Variants in DNHD1 observed in about 807,000 individuals in gnomAD.
The protein encoded by DNHD1 is dynein heavy chain domain 1, also known as dynein heavy chain domain-containing protein 1.
Under a neutral mutation model 458.1 loss-of-function variants are expected in DNHD1, and 383 were observed. The observed-to-expected ratio is 0.84, with a 90% CI of 0.77 to 0.91. The LOEUF is 0.91. DNHD1 is among the 40% of genes least tolerant of loss of function. The pLI, the probability that DNHD1 is intolerant of heterozygous loss-of-function variation, is 0.00. For synonymous variants in DNHD1, 2,203 were observed against 2,376.9 expected, an observed-to-expected ratio of 0.93 and a Z score of 2.13; for missense variants, 5,336 against 5,866.1, an observed-to-expected ratio of 0.91 and a Z score of 2.95.
At chr11:6,531,923 T>C (rs537112133) in intron 12 of DNHD1, among the ~76,000 whole-genome samples, 35 of 152,346 alleles carry the variant, frequency 2.3e-4, no homozygotes, top group African/African-American at 8.2e-4. Context: ...TAAACATGTT[T>C]ATATTTAAAA....
At chr11:6,561,510 T>A (rs1032337818) in intron 28 of DNHD1, among the ~76,000 whole-genome samples, 7 of 152,330 alleles carry the variant, frequency 4.6e-5, no homozygotes, top group Non-Finnish European at 8.8e-5. Context: ...TTCATGGTGC[T>A]TATAGTTTAG....
At chr11:6,566,503 T>G (rs1214245045) in intron 34 of DNHD1, 84 bp from the exon 35 acceptor site, 10 of 1,559,536 alleles carry the variant, frequency 6.4e-6, no homozygotes, top group Non-Finnish European at 8.7e-6. Context: ...CACAGGTCTA[T>G]AGCAGGGAGC....
In DNHD1 at chr11:6,546,665, C is replaced by CTGCACTACTGCA. The variant is rs1554888383; in HGVS notation, c.5729_5730insACTACTGCATGC (p.Leu1912_Arg1913insHisAlaLeuLeu). The CTGCACTACTGCA allele has an allele frequency of 9.0e-5, 140 of 1,550,654 alleles. No homozygotes were observed. The East Asian group carries it at 3.4e-3, about 37-fold the overall frequency. On this transcript the variant is annotated inframe_insertion, in exon 21 of 43. Coordinates refer to ENST00000254579, the MANE Select transcript of DNHD1 (RefSeq NM_144666.3). ...CGCAGCCTAGCTGCCATTGAGGAGG[C>CTGCACTACTGCA]TGCCCTACTGCGCTCACCACTGTTT...
At chr11:6,515,264 A>G (rs761276649) in intron 7 of DNHD1, among the ~76,000 whole-genome samples, 1 of 152,224 alleles carries the variant, frequency 6.6e-6, no homozygotes, top group Non-Finnish European at 1.5e-5. Context: ...TTATAACTAT[A>G]GTACAATGAT....
At chr11:6,547,730 T>G in intron 21 of DNHD1, 64 bp downstream of exon 21, 2 of 1,484,246 alleles carry the variant, frequency 1.3e-6, no homozygotes, top group Non-Finnish European at 1.8e-6. Context: ...GGTATATAGC[T>G]GGAGCCTGGG....
chr11:6,502,844 GT>G lies in DNHD1; in HGVS notation c.839del (p.Val280GlyfsTer2), dbSNP rs769403084. ...SPETSFLDSQ[V>X]MTALKMERYL... is the part of the protein sequence containing the mutation. ...TGAGACTTCCTTCCTGGATAGCCAG[GT>G]GATGACTGCTCTGAAGATGGAGAGA... is the stretch of plus-strand genomic sequence containing the variant. On this transcript the variant is annotated frameshift_variant, in exon 4 of 43. Transcript: ENST00000254579. LOFTEE classifies it high-confidence loss of function. 2 of 1,613,270 alleles carry G rather than the reference GT, an allele frequency of 1.2e-6. No homozygotes were observed. The highest frequency in any genetic ancestry group is 1.7e-6 in the Non-Finnish European group (2 of 1,179,712).
chr11:6,500,955 G>GGA (rs147459515), intron 3 of DNHD1, among the ~76,000 whole-genome samples: 2 of 151,244 alleles, frequency 1.3e-5, no homozygotes, highest in South Asian at 2.1e-4. Flanking sequence ...TCTGCAGGTG[G>GGA]GAGAGAGAGA....
intron 24 of DNHD1, among the ~76,000 whole-genome samples, chr11:6,551,718 A>T (rs573235823): frequency 1.3e-5 from 2 of 152,070 alleles, no homozygotes; most frequent in African/African-American, 4.8e-5. Context: ...CAAGGAGGGC[A>T]GATCACGAGG....
Position 6,546,913 on chromosome 11 carries a change from G to A in DNHD1, c.5974G>A (p.Gly1992Ser). ...CCGGGCCTCAGGCATTCTGCTCCTG[G>A]GCCCTGCGGGCAGCGGCAAGACCAC... is the stretch of plus-strand genomic sequence containing the variant. ...LSRASGILLL[G>S]PAGSGKTTCW... Residue 1992 changes from glycine (G) to serine (S), a missense_variant, in exon 21 of 43, where the codon GGC becomes AGC. Around this residue, in one of 4 missense-constraint regions of DNHD1, gnomAD observed 3,932 missense variants for 4,365.6 expected, o/e 0.90. Transcript: ENST00000254579. 1 of 1,551,580 alleles carries A rather than the reference G, an allele frequency of 6.4e-7. No individual in the cohort carries two copies. The highest frequency in any genetic ancestry group is 2.0e-5 in the Admixed American group (1 of 50,992).
rs1418974213 is a variant in DNHD1 at position 6,559,228 on chromosome 11, G to C, written c.9464G>C (p.Gly3155Ala). Reference protein sequence around the residue: ...ENLRMLIKEHGTHANLIFDLE... With the variant: ...ENLRMLIKEHATHANLIFDLE... ...CTGAGAATGCTGATTAAGGAGCACG[G>C]TACCCATGCCAATCTGATCTTTGAC... The change falls in exon 28 of 43, where the codon GGT becomes GCT. Residue 3155 changes from glycine (G) to alanine (A), a missense_variant. Gly to Ala is a moderately conservative substitution (Grantham distance 60). Transcript: ENST00000254579. 6.4e-7 allele frequency: 1 copy of C among 1,551,674 alleles called. No homozygotes were observed. The highest frequency in any genetic ancestry group is 2.0e-5 in the Admixed American group (1 of 50,998).
intron 10 of DNHD1, 189 bp downstream of exon 10, chr11:6,520,478 C>A: frequency 6.9e-7 from 1 of 1,439,920 alleles, no homozygotes; most frequent in Non-Finnish European, 9.1e-7. Context: ...TTTTTGCTCA[C>A]AAATTCACGT....
In DNHD1 at chr11:6,568,803, T is replaced by C. The variant is rs1853769392; in HGVS notation, c.12800T>C (p.Leu4267Pro). 1 of 1,613,212 alleles carries C rather than the reference T, an allele frequency of 6.2e-7. No individual in the cohort carries two copies. Among genetic ancestry groups the C allele is most frequent in the African/African-American group, 1.3e-5 (1 of 74,868 alleles). The change falls in exon 39 of 43, where the codon CTC (leucine) becomes CCC (proline). Residue 4267 changes from leucine (L) to proline (P), a missense_variant. By Grantham distance (98) the Leu-to-Pro change is moderately conservative. Around this residue, in one of 4 missense-constraint regions of DNHD1, gnomAD observed 698 missense variants for 664.9 expected, o/e 1.05. Transcript: ENST00000254579. ...ACCCAGGCACTACCTCTGCTCCTCC[T>C]CCATGGCCTCCTGCTACACCGGCAG... ...PPTQALPLLL[L>P]HGLLLHRQLY...
chr11:6,521,848 C>G (rs1852611344), intron 10 of DNHD1, among the ~76,000 whole-genome samples: 1 of 152,166 alleles, frequency 6.6e-6, no homozygotes. Flanking sequence ...TCCCAAGTAG[C>G]TGGAACTGCA....
chr11:6,537,093 A>C (rs1852968342), intron 14 of DNHD1, among the ~76,000 whole-genome samples: 1 of 152,196 alleles, frequency 6.6e-6, no homozygotes, highest in South Asian at 2.1e-4. Context: ...AGTAAACTGG[A>C]GTTCAAGTTA....
intron 35 of DNHD1, 28 bp downstream of exon 35, chr11:6,566,793 A>T: frequency 1.2e-5 from 20 of 1,604,534 alleles, no homozygotes; most frequent in Non-Finnish European, 1.7e-5. Context: ...CTGTGGGTTG[A>T]GATGAGCATT....
intron 4 of DNHD1, among the ~76,000 whole-genome samples, chr11:6,506,787 G>T (rs1026083484): frequency 6.6e-6 from 1 of 151,938 alleles, no homozygotes; most frequent in Admixed American, 6.6e-5. Context: ...TGTTAATTAC[G>T]TTTATCATCT....
intron 11 of DNHD1, 36 bp downstream of exon 11, chr11:6,528,823 A>T: frequency 1.3e-6 from 2 of 1,550,098 alleles, no homozygotes; most frequent in Non-Finnish European, 1.7e-6. Context: ...GGCGCTGCCC[A>T]CCAATTCCCA....
chr11:6,550,790 AATTG>A (rs1341296921), intron 24 of DNHD1, among the ~76,000 whole-genome samples: 1 of 152,264 alleles, frequency 6.6e-6, no homozygotes, highest in Admixed American at 6.5e-5. Context: ...GACATCTCAT[AATTG>A]AAAGATTCAA....
chr11:6,528,848 C>G (rs2134406618), intron 11 of DNHD1, 30 bp from the exon 12 acceptor site: 2 of 1,550,890 alleles, frequency 1.3e-6, no homozygotes, highest in Middle Eastern at 1.7e-4. Flanking sequence ...AGCCGCATGC[C>G]TCTGCCCTAA....
Sources: gnomAD v4.1 joint callset for allele counts (sites outside exome capture counted in the v4.1 genomes callset) on GRCh38, gnomAD v4.1.1 for gene constraint, gnomAD v4.1.1 regional missense constraint, MANE v1.5 for transcripts, NCBI Gene and HGNC (gene_info 2026-07-23, HGNC 2026-07-21) for gene names.